The following ZRANB3 variants were observed in gnomAD, a reference collection of about 807,000 sequenced individuals.
The protein encoded by ZRANB3 is DNA annealing helicase and endonuclease ZRANB3.
A neutral mutation model predicts 133.8 loss-of-function variants in ZRANB3; 125 were observed. That is an observed-to-expected ratio of 0.93 (90% CI 0.81 to 1.08). The LOEUF (loss-of-function observed/expected upper bound fraction) is 1.08. Among genes scored for constraint, ZRANB3 ranks in the 50% least tolerant of loss-of-function variants. The pLI, the probability that ZRANB3 is intolerant of heterozygous loss-of-function variation, is 0.00. For missense variants in ZRANB3, 1,229 were observed against 1,275.5 expected, an observed-to-expected ratio of 0.96 and a Z score of 0.56; for synonymous variants, 387 against 432.7, an observed-to-expected ratio of 0.89 and a Z score of 1.31.
intron 3 of ZRANB3, among the ~76,000 whole-genome samples, chr2:135,381,346 G>A (rs554257415): frequency 2.0e-4 from 30 of 152,158 alleles, no homozygotes; most frequent in South Asian, 6.2e-4. Context: ...TAAACAAAGC[G>A]GCCTGGAAGC....
chr2:135,324,168 T>G (rs1467833176), intron 6 of ZRANB3, among the ~76,000 whole-genome samples: 1 of 151,964 alleles, frequency 6.6e-6, no homozygotes, highest in East Asian at 1.9e-4. Context: ...GCCATGTTGG[T>G]GTGCTGCACC....
chr2:135,465,438 G>A (rs1047245452), intron 2 of ZRANB3, among the ~76,000 whole-genome samples: 3 of 152,066 alleles, frequency 2.0e-5, no homozygotes, highest in African/African-American at 7.3e-5. Flanking sequence ...ACCTAATTTT[G>A]TCATTATCTT....
intron 2 of ZRANB3, among the ~76,000 whole-genome samples, chr2:135,491,116 T>C (rs1288514562): frequency 6.6e-6 from 1 of 152,034 alleles, no homozygotes; most frequent in Non-Finnish European, 1.5e-5. Context: ...ATTGTACATT[T>C]CAAAATAACT....
At chr2:135,296,565 C>G (rs1036560792) in intron 8 of ZRANB3, among the ~76,000 whole-genome samples, 1 of 152,090 alleles carries the variant, frequency 6.6e-6, no homozygotes, top group Non-Finnish European at 1.5e-5. Context: ...CTTCTGAAGC[C>G]TTCTTCTCTC....
chr2:135,338,386 T>A (rs1684465396), intron 6 of ZRANB3, among the ~76,000 whole-genome samples: 1 of 152,244 alleles, frequency 6.6e-6, no homozygotes, highest in Non-Finnish European at 1.5e-5. Context: ...AACTGGTCTC[T>A]TCTTATAAAT....
chr2:135,490,539 T>G (rs893983947), intron 2 of ZRANB3, among the ~76,000 whole-genome samples: 1 of 152,172 alleles, frequency 6.6e-6, no homozygotes, highest in African/African-American at 2.4e-5. Flanking sequence ...CCTTGCACAC[T>G]GTTGGTAGGA....
At chr2:135,496,016 T>C (rs190237705) in intron 2 of ZRANB3, among the ~76,000 whole-genome samples, 1 of 152,338 alleles carries the variant, frequency 6.6e-6, no homozygotes, top group African/African-American at 2.4e-5. Flanking sequence ...TGTGTGATCT[T>C]GGAAACTGCA....
rs550267275 is a variant in ZRANB3 at position 135,442,349 on chromosome 2, GA to G, written c.162-51530del. 2.4e-4 allele frequency among the ~76,000 whole-genome samples: 36 copies of G among 151,996 alleles called. No individual in the cohort carries two copies. In the South Asian group the frequency reaches 5.2e-3, roughly 22 times the overall value. ...ACAAAGAACTTAAACAAATTTACAG[GA>G]AAAAAACAAATAACCCCATCCAAAA... On this transcript the variant is annotated intron_variant, in intron 2 of 20. Coordinates refer to ENST00000264159, the MANE Select transcript of ZRANB3 (RefSeq NM_032143.4).
intron 8 of ZRANB3, among the ~76,000 whole-genome samples, chr2:135,278,373 T>C (rs535179635): frequency 8.5e-5 from 13 of 152,322 alleles, no homozygotes; most frequent in African/African-American, 3.1e-4. Context: ...AATAGTAATA[T>C]TTTCAAATAT....
At chr2:135,431,374 A>G (rs1207152982) in intron 2 of ZRANB3, among the ~76,000 whole-genome samples, 1 of 150,996 alleles carries the variant, frequency 6.6e-6, no homozygotes, top group East Asian at 1.9e-4. Context: ...ACATTATTAT[A>G]TATAATTTAT....
rs929049399 is a variant in ZRANB3, at chr2:135,311,401, GT to G, written c.966+2087del. On this transcript the variant is annotated intron_variant, in intron 8 of 20. Coordinates refer to ENST00000264159, the MANE Select transcript of ZRANB3 (RefSeq NM_032143.4). Reference sequence around the variant, plus strand: ...AGCTACTTTGAAAAACAATTTGGCAGTTTTTTTTATCAAGTTAAATCTATAC... The same window carrying G: ...AGCTACTTTGAAAAACAATTTGGCAGTTTTTTTATCAAGTTAAATCTATAC... Among the ~76,000 whole-genome samples, 120 of 151,946 alleles carry G rather than the reference GT, an allele frequency of 7.9e-4. 1 individual carries two copies. The highest frequency in any genetic ancestry group is 3.4e-3 in the Middle Eastern group (1 of 294).
At position 135,230,701 on chromosome 2, in the gene ZRANB3, G is replaced by T. The variant is rs1367199975; in HGVS notation, c.1766C>A (p.Pro589Gln). The T allele has an allele frequency of 2.5e-6, 4 of 1,612,508 alleles. No homozygotes were observed. The African/African-American group carries it at 5.3e-5, about 22-fold the overall frequency. The change falls in exon 13 of 21, where the codon CCG becomes CAG. Residue 589 changes from proline to glutamine, a missense_variant. Physicochemically the swap from Pro to Gln is moderately conservative, Grantham distance 76. Transcript: ENST00000264159. ...KLAASEDHCS[P>Q]SEETPSQSKQ... ...GGACTGGGATGGTGTCTCTTCCGAC[G>T]GACTGCAGTGGTCTTCCGAGGCAGC...
At chr2:135,233,993 A>G (rs1294705920) in intron 12 of ZRANB3, among the ~76,000 whole-genome samples, 1 of 152,228 alleles carries the variant, frequency 6.6e-6, no homozygotes, top group Non-Finnish European at 1.5e-5. Context: ...AAAGACACAG[A>G]CTGGCAAATT....
chr2:135,423,767 C>T (rs374936315), intron 2 of ZRANB3, among the ~76,000 whole-genome samples: 1 of 152,152 alleles, frequency 6.6e-6, no homozygotes, highest in East Asian at 1.9e-4. Context: ...TTAAAGAAAA[C>T]CAACAGCTAG....
At chr2:135,470,323 CAA>C (rs200574969) in intron 2 of ZRANB3, among the ~76,000 whole-genome samples, 2 of 126,760 alleles carry the variant, frequency 1.6e-5, no homozygotes, top group African/African-American at 5.9e-5. Context: ...GACTCTGTCT[CAA>C]AAAAAAAAAA....
In ZRANB3 at chr2:135,498,051, T is replaced by TA. The variant is rs1475559011; in HGVS notation, c.161+6277dup. Among the ~76,000 whole-genome samples the TA allele has an allele frequency of 8.7e-5, 13 of 149,378 alleles. No individual in the cohort carries two copies. The East Asian group carries it at 2.3e-3, about 27-fold the overall frequency. On this transcript the variant is annotated intron_variant, in intron 2 of 20. Transcript: ENST00000264159. ...CTGGGCGACAGCGAGACTCTGTCTC[T>TA]AAAAAATAATAAATAATAAATAAAT...
At chr2:135,233,283 TG>T (rs1695120019) in intron 12 of ZRANB3, among the ~76,000 whole-genome samples, 1 of 152,132 alleles carries the variant, frequency 6.6e-6, no homozygotes, top group Non-Finnish European at 1.5e-5. Flanking sequence ...CCAAGAAATA[TG>T]GGACCATGTG....
intron 19 of ZRANB3, among the ~76,000 whole-genome samples, chr2:135,206,396 G>A (rs903232196): frequency 1.3e-5 from 2 of 151,750 alleles, no homozygotes. Flanking sequence ...TTGCCACCAC[G>A]CCTGGCTAAT....
rs370295993 is a variant in ZRANB3 at position 135,271,918 on chromosome 2, G to C, written c.1087-31C>G. On this transcript the variant is annotated intron_variant, in intron 9 of 20. Transcript: ENST00000264159. The stretch of plus-strand genomic sequence containing the variant: ...ATCAACAAGGAAAACGGCAAAATTA[G>C]GACAAGGCCCTATGTACCCATCTCA... 147 of 1,600,734 alleles carry C rather than the reference G, an allele frequency of 9.2e-5. No individual in the cohort carries two copies. The African/African-American group carries it at 1.8e-3, about 20-fold the overall frequency.
Sources: gnomAD v4.1 joint callset for allele counts (sites outside exome capture counted in the v4.1 genomes callset) on GRCh38, gnomAD v4.1.1 for gene constraint, MANE v1.5 for transcripts, NCBI Gene and HGNC (gene_info 2026-07-23, HGNC 2026-07-21) for gene names.